RANBP17: variants seen among roughly 807,000 people sequenced by gnomAD.
The protein encoded by RANBP17 is ran-binding protein 17.
RANBP17 carries 158 observed loss-of-function variants against 141.2 expected under a neutral mutation model. The observed-to-expected ratio is 1.12, with a 90% CI of 0.98 to 1.28. The LOEUF (loss-of-function observed/expected upper bound fraction) is 1.28, where lower values mean the gene tolerates loss of function less well. Among genes scored for constraint, RANBP17 ranks in the 50% most tolerant of loss-of-function variants. RANBP17 has a pLI of 0.00. For synonymous variants in RANBP17, 430 were observed against 450.0 expected (o/e 0.96, Z 0.56); for missense variants, 1,438 against 1,290.7 (o/e 1.11, Z -1.75).
intron 14 of RANBP17, among the ~76,000 whole-genome samples, chr5:171,117,538 C>T (rs960338065): frequency 6.6e-5 from 10 of 151,892 alleles, no homozygotes; most frequent in Non-Finnish European, 1.0e-4. Flanking sequence ...CTTGCTCTGT[C>T]GCCCAGGCTG....
intron 1 of RANBP17, among the ~76,000 whole-genome samples, chr5:170,865,985 G>A (rs1324006362): frequency 6.6e-6 from 1 of 152,158 alleles, no homozygotes; most frequent in Non-Finnish European, 1.5e-5. Context: ...TGCAAACTGG[G>A]TGAGCTCACC....
At chr5:170,966,827 AT>A (rs778908778) in intron 13 of RANBP17, among the ~76,000 whole-genome samples, 109 of 152,104 alleles carry the variant, frequency 7.2e-4, no homozygotes, top group Non-Finnish European at 3.8e-4. Context: ...CCTTAAGCTG[AT>A]AAGCAACTTC....
intron 14 of RANBP17, among the ~76,000 whole-genome samples, chr5:171,093,355 C>T (rs1266375415): frequency 2.0e-5 from 3 of 152,086 alleles, no homozygotes; most frequent in Non-Finnish European, 4.4e-5. Context: ...TACTACTTAG[C>T]ACATATACGA....
chr5:171,255,819 A>T (rs1472613742), intron 24 of RANBP17, among the ~76,000 whole-genome samples: 1 of 152,160 alleles, frequency 6.6e-6, no homozygotes, highest in Admixed American at 6.5e-5. Flanking sequence ...CTGTGTAACT[A>T]TGTACATGAT....
At chr5:170,864,325 A>C (rs1363539168) in intron 1 of RANBP17, among the ~76,000 whole-genome samples, 1 of 152,202 alleles carries the variant, frequency 6.6e-6, no homozygotes, top group Non-Finnish European at 1.5e-5. Context: ...AGTGGTCAAC[A>C]TCTTTTTCAC....
intron 22 of RANBP17, among the ~76,000 whole-genome samples, chr5:171,225,562 A>G (rs1428974935): frequency 6.6e-6 from 1 of 152,092 alleles, no homozygotes; most frequent in African/African-American, 2.4e-5. Flanking sequence ...GGGAGGGCAC[A>G]GAAGAGCCAG....
intron 20 of RANBP17, 50 bp downstream of exon 20, chr5:171,205,662 C>T: frequency 6.9e-7 from 1 of 1,440,480 alleles, no homozygotes; most frequent in Non-Finnish European, 9.8e-7. Context: ...AGAGGGATGC[C>T]AGGCCCCTCG....
chr5:171,016,599 A>AT (rs1397786108), intron 14 of RANBP17, among the ~76,000 whole-genome samples: 1 of 151,944 alleles, frequency 6.6e-6, no homozygotes, highest in Non-Finnish European at 1.5e-5. Context: ...TTTTTTACAT[A>AT]TGTATACGTG....
At chr5:171,189,064 G>A (rs1351619561) in intron 18 of RANBP17, among the ~76,000 whole-genome samples, 1 of 151,522 alleles carries the variant, frequency 6.6e-6, no homozygotes, top group African/African-American at 2.4e-5. Flanking sequence ...TTAGTTCAAA[G>A]TTTTTTTTTA....
At chr5:171,182,824 TTAAG>T (rs1760949707) in intron 16 of RANBP17, among the ~76,000 whole-genome samples, 4 of 152,118 alleles carry the variant, frequency 2.6e-5, no homozygotes, top group Admixed American at 1.3e-4. Flanking sequence ...TGAAATAACA[TTAAG>T]TAAGTAGAAG....
intron 25 of RANBP17, among the ~76,000 whole-genome samples, chr5:171,282,266 G>C (rs537718329): frequency 6.6e-6 from 1 of 152,264 alleles, no homozygotes; most frequent in South Asian, 2.1e-4. Flanking sequence ...AACTATTCCT[G>C]ACAGGGTACA....
chr5:171,185,060 G>T (rs1403860903), intron 18 of RANBP17, among the ~76,000 whole-genome samples: 1 of 152,198 alleles, frequency 6.6e-6, no homozygotes, highest in African/African-American at 2.4e-5. Flanking sequence ...CTACTTGGGA[G>T]GCTAAGGCAG....
chr5:171,219,691 A>C (rs1763434237), intron 21 of RANBP17, among the ~76,000 whole-genome samples: 1 of 151,562 alleles, frequency 6.6e-6, no homozygotes, highest in East Asian at 2.0e-4. Context: ...TTGGCTATTG[A>C]TACTTGTGTA....
intron 14 of RANBP17, among the ~76,000 whole-genome samples, chr5:171,064,969 T>C (rs1784211195): frequency 6.6e-6 from 1 of 152,246 alleles, no homozygotes; most frequent in African/African-American, 2.4e-5. Flanking sequence ...TTTGATTTTG[T>C]TAATGAGTTT....
intron 14 of RANBP17, among the ~76,000 whole-genome samples, chr5:171,036,254 C>T (rs1781876594): frequency 6.6e-6 from 1 of 152,078 alleles, no homozygotes; most frequent in Non-Finnish European, 1.5e-5. Flanking sequence ...CAATTTTTAG[C>T]TCCCACTTAT....
At chr5:171,076,249 T>C (rs191410270) in intron 14 of RANBP17, among the ~76,000 whole-genome samples, 1 of 152,342 alleles carries the variant, frequency 6.6e-6, no homozygotes, top group Admixed American at 6.5e-5. Context: ...GATTTGTGTT[T>C]TGTGATAAGA....
At chr5:171,047,809 C>T (rs1044146867) in intron 14 of RANBP17, among the ~76,000 whole-genome samples, 2 of 152,092 alleles carry the variant, frequency 1.3e-5, no homozygotes, top group East Asian at 3.9e-4. Flanking sequence ...GTGATTTGCA[C>T]ATTTTTTTCC....
At chr5:171,275,835 A>T (rs907144192) in intron 25 of RANBP17, among the ~76,000 whole-genome samples, 1 of 152,112 alleles carries the variant, frequency 6.6e-6, no homozygotes, top group African/African-American at 2.4e-5. Flanking sequence ...ACACAAAATA[A>T]CATGGATGAA....
intron 21 of RANBP17, among the ~76,000 whole-genome samples, chr5:171,217,005 G>A (rs1431259134): frequency 6.6e-6 from 1 of 152,172 alleles, no homozygotes; most frequent in African/African-American, 2.4e-5. Context: ...CAAAGGGAAT[G>A]CTTCCAGTTT....
Sources: gnomAD v4.1 joint callset for allele counts (sites outside exome capture counted in the v4.1 genomes callset) on GRCh38, gnomAD v4.1.1 for gene constraint, MANE v1.5 for transcripts, NCBI Gene and HGNC (gene_info 2026-07-23, HGNC 2026-07-21) for gene names.